The following MAP3K2 variants were observed in gnomAD, a reference collection of about 807,000 sequenced individuals.
MAP3K2 encodes the protein mitogen-activated protein kinase kinase kinase 2, also known as MAP/ERK kinase kinase 2.
In MAP3K2, 24 loss-of-function variants were observed where a neutral mutation model predicts 80.3. That is an observed-to-expected ratio of 0.30 (90% confidence interval 0.22 to 0.42). The LOEUF (loss-of-function observed/expected upper bound fraction) is 0.42, where lower values mean the gene tolerates loss of function less well. Among genes scored for constraint, MAP3K2 ranks in the 10% least tolerant of loss-of-function variants. The pLI, the probability that MAP3K2 is intolerant of heterozygous loss-of-function variation, is 1.00. For synonymous variants in MAP3K2, 244 were observed against 253.7 expected, an observed-to-expected ratio of 0.96 and a Z score of 0.36; for missense variants, 608 against 750.1, an observed-to-expected ratio of 0.81 and a Z score of 2.21.
chr2:127,330,604 G>A (rs1686236219), intron 5 of MAP3K2, 99 bp from the exon 6 acceptor site: 1 of 565,688 alleles, frequency 1.8e-6, no homozygotes, highest in Non-Finnish European at 3.2e-6. Flanking sequence ...AAAATACCTT[G>A]CTCTTTGATT....
intron 1 of MAP3K2, among the ~76,000 whole-genome samples, chr2:127,347,303 A>G (rs1686614140): frequency 6.6e-6 from 1 of 152,128 alleles, no homozygotes; most frequent in Non-Finnish European, 1.5e-5. Context: ...AACTATACCC[A>G]TTTGCAAGTG....
In MAP3K2 at chr2:127,325,723, A is replaced by T. The variant is rs760144904; in HGVS notation, c.677+5T>A. 6.2e-7 allele frequency: 1 copy of T among 1,606,078 alleles called. No homozygotes were observed. Among genetic ancestry groups the T allele is most frequent in the African/African-American group, 1.3e-5 (1 of 74,786 alleles). On this transcript the variant is annotated splice_donor_5th_base_variant and intron_variant, in intron 9 of 16. Coordinates refer to ENST00000682094, the MANE Select transcript of MAP3K2 (RefSeq NM_001371910.2). ...AAACCCTCCAAAAACTACGATAAAC[A>T]TTACCCATCCAAAGGACTATCAAGT...
At chr2:127,376,088 C>G (rs549606783) in intron 1 of MAP3K2, among the ~76,000 whole-genome samples, 1 of 152,234 alleles carries the variant, frequency 6.6e-6, no homozygotes, top group South Asian at 2.1e-4. Context: ...GGAGATCAGT[C>G]AGGGTGATGG....
intron 15 of MAP3K2, among the ~76,000 whole-genome samples, chr2:127,312,788 C>T (rs1245259148): frequency 6.6e-6 from 1 of 152,060 alleles, no homozygotes; most frequent in South Asian, 2.1e-4. Context: ...CATGGAGAAA[C>T]CCCGTCTCTA....
At chr2:127,355,044 C>T (rs1369884601) in intron 1 of MAP3K2, among the ~76,000 whole-genome samples, 1 of 152,050 alleles carries the variant, frequency 6.6e-6, no homozygotes, top group Non-Finnish European at 1.5e-5. Flanking sequence ...ATGAACAGAG[C>T]ATAAGCAGAC....
chr2:127,298,932 CTTTTA>C lies in MAP3K2; in HGVS notation c.*8642_*8646del, dbSNP rs1685536909. On this transcript the variant is annotated 3_prime_UTR_variant, in exon 17 of 17. Coordinates refer to ENST00000682094, the MANE Select transcript of MAP3K2 (RefSeq NM_001371910.2). ...CACTAACAAAATATAAACATGGTTT[CTTTTA>C]TATTAGATTTTTTTTTAAAAAAAAG... is the stretch of plus-strand genomic sequence containing the variant. The C allele has an allele frequency of 6.9e-6, 1 of 144,650 alleles. No individual in the cohort carries two copies. The highest frequency in any genetic ancestry group is 1.5e-5 in the Non-Finnish European group (1 of 65,782). 9.0% of individuals were successfully genotyped at this position (144,650 alleles called of 1,614,324 possible).
chr2:127,333,116 C>T (rs1686291364), intron 5 of MAP3K2, among the ~76,000 whole-genome samples: 1 of 140,318 alleles, frequency 7.1e-6, no homozygotes, highest in South Asian at 2.3e-4. Context: ...TGGGTGACAG[C>T]GGGAGATGCT....
At chr2:127,374,660 T>C (rs1051328186) in intron 1 of MAP3K2, among the ~76,000 whole-genome samples, 2 of 152,244 alleles carry the variant, frequency 1.3e-5, no homozygotes, top group East Asian at 3.8e-4. Flanking sequence ...CATGTATCCA[T>C]TGATACCAAT....
intron 1 of MAP3K2, among the ~76,000 whole-genome samples, chr2:127,356,894 A>G (rs1018256268): frequency 2.0e-5 from 3 of 152,212 alleles, no homozygotes; most frequent in African/African-American, 4.8e-5. Context: ...TAGTTGAACT[A>G]AAAAGCTTCT....
At chr2:127,377,788 G>T (rs1428696306) in intron 1 of MAP3K2, among the ~76,000 whole-genome samples, 1 of 152,142 alleles carries the variant, frequency 6.6e-6, no homozygotes, top group East Asian at 1.9e-4. Flanking sequence ...AAAACAGGAA[G>T]AGAAAGCCAA....
At position 127,300,874 on chromosome 2, in the gene MAP3K2, A is replaced by G. The variant is rs1685578730; in HGVS notation, c.*6705T>C. 6.6e-6 allele frequency: 1 copy of G among 152,240 alleles called. No homozygotes were observed. Among genetic ancestry groups the G allele is most frequent in the Non-Finnish European group, 1.5e-5 (1 of 68,040 alleles). The allele number at this position is 152,240 out of a possible 1,614,324, so 9.4% of individuals were successfully genotyped here. On this transcript the variant is annotated 3_prime_UTR_variant, in exon 17 of 17. Coordinates refer to ENST00000682094, the MANE Select transcript of MAP3K2 (RefSeq NM_001371910.2). ...CTTTGGAAAAGTAAGAATACATCAA[A>G]TCCATTTTGTAGTCTATCTAATAGA...
In MAP3K2 at chr2:127,302,873, C is replaced by A. The variant is rs1392528240; in HGVS notation, c.*4706G>T. The A allele has an allele frequency of 6.6e-6, 1 of 151,910 alleles. No homozygotes were observed. The highest frequency in any genetic ancestry group is 2.4e-5 in the African/African-American group (1 of 41,314). 9.4% of individuals were successfully genotyped at this position (151,910 alleles called of 1,614,324 possible). A position where few individuals can be genotyped will look rare whatever the true frequency, so the allele number is the denominator to read the frequency against. ...ACAAATCCTAATGTTTCTCTCCTAACATTTATTTATTTATTTATTTATTTT... is the reference window on the plus strand; with the variant it reads ...ACAAATCCTAATGTTTCTCTCCTAAAATTTATTTATTTATTTATTTATTTT... On this transcript the variant is annotated 3_prime_UTR_variant, in exon 17 of 17. Coordinates refer to ENST00000682094, the MANE Select transcript of MAP3K2 (RefSeq NM_001371910.2).
chr2:127,376,355 C>T (rs1274789919), intron 1 of MAP3K2, among the ~76,000 whole-genome samples: 2 of 152,268 alleles, frequency 1.3e-5, no homozygotes, highest in East Asian at 1.9e-4. Context: ...GAACTGCCCA[C>T]CAGTGTGTTG....
intron 7 of MAP3K2, among the ~76,000 whole-genome samples, 186 bp downstream of exon 7, chr2:127,329,735 T>C (rs1396259219): frequency 6.6e-6 from 1 of 152,214 alleles, no homozygotes; most frequent in African/African-American, 2.4e-5. Context: ...AAATTGGAGA[T>C]TACTAATCCT....
intron 1 of MAP3K2, among the ~76,000 whole-genome samples, chr2:127,385,039 A>G (rs1053933946): frequency 1.3e-5 from 2 of 152,358 alleles, no homozygotes; most frequent in Admixed American, 6.5e-5. Flanking sequence ...TAGTTGATAA[A>G]GCAACGATAA....
intron 15 of MAP3K2, among the ~76,000 whole-genome samples, chr2:127,309,910 C>T (rs1685778616): frequency 6.6e-6 from 1 of 152,106 alleles, no homozygotes; most frequent in Admixed American, 6.5e-5. Flanking sequence ...TCATTCTCCC[C>T]CACCCTTTCC....
chr2:127,317,165 C>A (rs1685924532), intron 14 of MAP3K2, among the ~76,000 whole-genome samples: 1 of 151,138 alleles, frequency 6.6e-6, no homozygotes, highest in African/African-American at 2.4e-5. Flanking sequence ...AGATAGTAAT[C>A]CTAGCACTTT....
At chr2:127,387,238 T>G (rs1687370353) in intron 1 of MAP3K2, among the ~76,000 whole-genome samples, 1 of 152,002 alleles carries the variant, frequency 6.6e-6, no homozygotes, top group Non-Finnish European at 1.5e-5. Context: ...GCAGCCTACT[T>G]CGCGCTGACC....
rs1221047536 is a variant in MAP3K2, at chr2:127,302,509, GAAA to G, written c.*5067_*5069del. ...CATGCACACATGCACACACTTCACA[GAAA>G]AGTAACTTTTCTGTGAGTATTACCC... On this transcript the variant is annotated 3_prime_UTR_variant, in exon 17 of 17. Transcript: ENST00000682094. The G allele has an allele frequency of 6.6e-6, 1 of 151,672 alleles. No homozygotes were observed. Among genetic ancestry groups the G allele is most frequent in the Admixed American group, 6.6e-5 (1 of 15,214 alleles). 9.4% of individuals were successfully genotyped at this position (151,672 alleles called of 1,614,324 possible).
Sources: gnomAD v4.1 joint callset for allele counts (sites outside exome capture counted in the v4.1 genomes callset) on GRCh38, gnomAD v4.1.1 for gene constraint, MANE v1.5 for transcripts, NCBI Gene and HGNC (gene_info 2026-07-23, HGNC 2026-07-21) for gene names.